PDE7B: variants seen among roughly 807,000 people sequenced by gnomAD.
PDE7B encodes the protein phosphodiesterase 7B.
PDE7B carries 29 observed loss-of-function variants against 56.2 expected under a neutral mutation model. The observed-to-expected ratio is 0.52, with a 90% CI of 0.38 to 0.70. PDE7B has a LOEUF of 0.70. Ranked by LOEUF, PDE7B falls within the 30% of genes least tolerant of loss-of-function variation. PDE7B has a pLI of 0.00. For missense variants in PDE7B, 490 were observed against 565.0 expected, an observed-to-expected ratio of 0.87 and a Z score of 1.35; for synonymous variants, 197 against 196.9, an observed-to-expected ratio of 1.00 and a Z score of 0.00.
At chr6:136,191,139 A>G (rs902491421) in intron 12 of PDE7B, among the ~76,000 whole-genome samples, 3 of 150,750 alleles carry the variant, frequency 2.0e-5, no homozygotes, top group Non-Finnish European at 4.4e-5. Flanking sequence ...TAAGTCATTT[A>G]ATTGTCATAA....
intron 1 of PDE7B, among the ~76,000 whole-genome samples, chr6:135,894,391 A>C (rs1388132821): frequency 6.6e-6 from 1 of 152,190 alleles, no homozygotes; most frequent in Non-Finnish European, 1.5e-5. Flanking sequence ...AAGTGAATTC[A>C]AATAAGGAGA....
intron 3 of PDE7B, among the ~76,000 whole-genome samples, chr6:136,145,644 A>G (rs1778402350): frequency 6.6e-6 from 1 of 152,122 alleles, no homozygotes; most frequent in African/African-American, 2.4e-5. Context: ...AGCAGCATTT[A>G]ATTTTAATGA....
intron 3 of PDE7B, chr6:136,110,860 G>A (rs1777736133): frequency 6.6e-6 from 1 of 152,046 alleles, no homozygotes; most frequent in Non-Finnish European, 1.5e-5. Context: ...TCATCTGCCA[G>A]CAGCTGCTAT....
chr6:135,983,118 C>A (rs1225315561), intron 2 of PDE7B, among the ~76,000 whole-genome samples: 1 of 152,124 alleles, frequency 6.6e-6, no homozygotes, highest in Non-Finnish European at 1.5e-5. Context: ...AGAAATGAAT[C>A]TCTAATGAGG....
intron 1 of PDE7B, among the ~76,000 whole-genome samples, chr6:135,928,010 T>C (rs745572513): frequency 6.6e-6 from 1 of 152,086 alleles, no homozygotes; most frequent in Admixed American, 6.6e-5. Flanking sequence ...AAGACATACA[T>C]GCAGCCAGCA....
chr6:135,968,013 G>C (rs1167696205), intron 2 of PDE7B, among the ~76,000 whole-genome samples: 1 of 152,252 alleles, frequency 6.6e-6, no homozygotes, highest in East Asian at 1.9e-4. Flanking sequence ...TTGCTTTTTG[G>C]CAACACTGAA....
At position 136,173,849 on chromosome 6, in the gene PDE7B, G is replaced by A. The variant is rs1468001470; in HGVS notation, c.764G>A (p.Arg255Gln). 19 of 1,612,862 alleles carry A rather than the reference G, an allele frequency of 1.2e-5. No homozygotes were observed. Among genetic ancestry groups the A allele is most frequent in the Non-Finnish European group, 1.6e-5 (19 of 1,179,044 alleles). The change falls in exon 9 of 13, where the codon CGA (arginine) becomes CAA (glutamine). Residue 255 changes from arginine (R) to glutamine (Q), a missense_variant. By Grantham distance (43) the Arg-to-Gln change is conservative. Coordinates refer to ENST00000308191, the MANE Select transcript of PDE7B (RefSeq NM_018945.4). Reference sequence around the variant, plus strand: ...TGGCGATCTACAATTGGCATGCTTCGAGAATCAAGGCTTCTTGCTCATTTG... The same window carrying A: ...TGGCGATCTACAATTGGCATGCTTCAAGAATCAAGGCTTCTTGCTCATTTG... ...HHWRSTIGML[R>Q]ESRLLAHLPK...
intron 2 of PDE7B, among the ~76,000 whole-genome samples, chr6:135,982,807 A>G (rs1228178384): frequency 6.6e-6 from 1 of 152,052 alleles, no homozygotes; most frequent in Non-Finnish European, 1.5e-5. Context: ...TTTTTATGCC[A>G]TACTTCTGGC....
At chr6:135,852,723 A>G (rs892714210) in intron 1 of PDE7B, among the ~76,000 whole-genome samples, 2 of 152,218 alleles carry the variant, frequency 1.3e-5, no homozygotes, top group Non-Finnish European at 2.9e-5. Flanking sequence ...AAACTTCTTT[A>G]TTACCACTGC....
intron 1 of PDE7B, among the ~76,000 whole-genome samples, chr6:135,928,925 T>A (rs916662306): frequency 6.6e-6 from 1 of 152,074 alleles, no homozygotes; most frequent in Non-Finnish European, 1.5e-5. Context: ...AAATTACCCA[T>A]GTAACAAACC....
rs371064973 is a variant in PDE7B, at chr6:135,878,324, G to A, written c.21+26305G>A. On this transcript the variant is annotated intron_variant, in intron 1 of 12. Coordinates refer to ENST00000308191, the MANE Select transcript of PDE7B (RefSeq NM_018945.4). ...TATAGTGGGAAAGAGGTCTGCTTAC[G>A]TCAGTGCTCATGTTGTTAGAACCAA... 2.0e-4 allele frequency among the ~76,000 whole-genome samples: 30 copies of A among 151,692 alleles called. No homozygotes were observed. The East Asian group carries it at 2.3e-3, about 12-fold the overall frequency.
rs1775877890 is a variant in PDE7B, at chr6:136,010,685, A to G, written c.82+63161A>G. Among the ~76,000 whole-genome samples the G allele has an allele frequency of 2.0e-5, 3 of 151,946 alleles. No homozygotes were observed. The South Asian group carries it at 6.2e-4, about 32-fold the overall frequency. The stretch of plus-strand genomic sequence containing the variant: ...GCTCTGTCACCAAGGCTGGAGTGCA[A>G]TGGCGTGATCTCAGCTCACTGCAAC... On this transcript the variant is annotated intron_variant, in intron 2 of 12. Coordinates refer to ENST00000308191, the MANE Select transcript of PDE7B (RefSeq NM_018945.4).
chr6:136,107,712 C>T (rs1370774533), intron 2 of PDE7B, among the ~76,000 whole-genome samples: 1 of 152,120 alleles, frequency 6.6e-6, no homozygotes, highest in African/African-American at 2.4e-5. Flanking sequence ...AGCGTCTGGG[C>T]CAGATTTCTC....
chr6:135,916,392 CTTTTTTT>C (rs566408380), intron 1 of PDE7B, among the ~76,000 whole-genome samples: 5 of 96,350 alleles, frequency 5.2e-5, no homozygotes, highest in East Asian at 7.6e-4. Context: ...TCTTTTCTTT[CTTTTTTT>C]TTTTTTTTTT....
chr6:136,134,645 T>TA (rs113152480), intron 3 of PDE7B, among the ~76,000 whole-genome samples: 6,858 of 147,664 alleles, frequency 0.046, 533 homozygotes, highest in African/African-American at 0.16. Context: ...TTCCCCTCCT[T>TA]ACAAAAAGGA....
At chr6:135,906,810 G>GTTTTTTTTTTTTTTTTTTTTTTGTTTTTT (rs1776114317) in intron 1 of PDE7B, among the ~76,000 whole-genome samples, 1 of 59,506 alleles carries the variant, frequency 1.7e-5, no homozygotes, top group African/African-American at 7.0e-5. Context: ...AATGAGGTTT[G>GTTTTTTTTTTTTTTTTTTTTTTGTTTTTT]TTTTTTTTTT....
intron 2 of PDE7B, among the ~76,000 whole-genome samples, chr6:136,021,499 C>G (rs1041946362): frequency 2.2e-4 from 34 of 152,052 alleles, no homozygotes; most frequent in African/African-American, 8.0e-4. Flanking sequence ...ACAAAACTGT[C>G]TGGGCGTGGT....
intron 2 of PDE7B, among the ~76,000 whole-genome samples, chr6:136,056,666 G>A (rs1451917931): frequency 6.6e-6 from 1 of 151,316 alleles, no homozygotes; most frequent in African/African-American, 2.4e-5. Flanking sequence ...CAAATAGCTG[G>A]GATTACAGGC....
intron 2 of PDE7B, among the ~76,000 whole-genome samples, chr6:136,019,812 G>A (rs994807081): frequency 6.6e-6 from 1 of 151,906 alleles, no homozygotes; most frequent in Non-Finnish European, 1.5e-5. Flanking sequence ...AAAATCATAA[G>A]GAAGAGAAAA....
Sources: allele counts gnomAD v4.1 joint callset (sites outside exome capture counted in the v4.1 genomes callset), GRCh38; gene constraint gnomAD v4.1.1; transcripts MANE v1.5; gene names NCBI Gene and HGNC (gene_info 2026-07-23, HGNC 2026-07-21).